The following AGBL4 variants were observed in gnomAD, a reference collection of about 807,000 sequenced individuals.
AGBL4 encodes cytosolic carboxypeptidase 6.
AGBL4 carries 58 observed loss-of-function variants against 66.4 expected under a neutral mutation model. The observed-to-expected ratio is 0.87, with a 90% CI of 0.71 to 1.09. AGBL4 has a LOEUF of 1.09. AGBL4 is among the 50% of genes least tolerant of loss of function. The probability of loss-of-function intolerance (pLI) is 0.00; values close to 1 mark genes in which losing one functional copy is unlikely to be tolerated. For missense variants in AGBL4, 579 were observed against 631.0 expected (o/e 0.92, Z 0.88); for synonymous variants, 234 against 222.9 (o/e 1.05, Z -0.44).
chr1:49,335,035 CATATA>C (rs1645406168), intron 3 of AGBL4, among the ~76,000 whole-genome samples: 1 of 152,180 alleles, frequency 6.6e-6, no homozygotes, highest in South Asian at 2.1e-4. Context: ...GGTTTCCAGA[CATATA>C]TTCAACTGCC....
chr1:49,282,759 C>G (rs911567883), intron 3 of AGBL4, among the ~76,000 whole-genome samples: 18 of 152,184 alleles, frequency 1.2e-4, no homozygotes, highest in African/African-American at 3.6e-4. Flanking sequence ...AAAGGGGTGA[C>G]AGACGCACCT....
intron 6 of AGBL4, among the ~76,000 whole-genome samples, chr1:48,719,174 C>G (rs943102714): frequency 3.3e-5 from 5 of 152,178 alleles, no homozygotes; most frequent in Admixed American, 3.3e-4. Context: ...CCCCTTCCCC[C>G]AAACACGTTT....
chr1:49,638,413 T>C (rs1470288214), intron 3 of AGBL4, among the ~76,000 whole-genome samples: 5 of 152,222 alleles, frequency 3.3e-5, no homozygotes, highest in Non-Finnish European at 2.9e-5. Flanking sequence ...TAATTTTCTA[T>C]TACTTTTACA....
At chr1:49,626,514 A>G (rs1365288078) in intron 3 of AGBL4, among the ~76,000 whole-genome samples, 1 of 152,134 alleles carries the variant, frequency 6.6e-6, no homozygotes, top group Non-Finnish European at 1.5e-5. Flanking sequence ...AAAGAGCTCA[A>G]TGTGCTTTGG....
At chr1:48,727,819 G>T (rs898394346) in intron 6 of AGBL4, 4 of 1,463,030 alleles carry the variant, frequency 2.7e-6, no homozygotes, top group Non-Finnish European at 3.8e-6. Context: ...TGATTTGGAC[G>T]GCACCATCGC....
At chr1:49,237,416 T>C (rs1264917367) in intron 4 of AGBL4, among the ~76,000 whole-genome samples, 1 of 151,248 alleles carries the variant, frequency 6.6e-6, no homozygotes, top group Non-Finnish European at 1.5e-5. Flanking sequence ...GTAAGTCCAC[T>C]AAACCTCTTC....
At chr1:49,013,476 C>T (rs1402080773) in intron 5 of AGBL4, among the ~76,000 whole-genome samples, 1 of 152,148 alleles carries the variant, frequency 6.6e-6, no homozygotes, top group Non-Finnish European at 1.5e-5. Context: ...CTTCAGGAGC[C>T]CTTTATTTTA....
chr1:49,340,544 C>T (rs1570471817), intron 3 of AGBL4, among the ~76,000 whole-genome samples: 1 of 152,198 alleles, frequency 6.6e-6, no homozygotes, highest in Non-Finnish European at 1.5e-5. Context: ...TACTCAGGTC[C>T]TTACTCCAAG....
chr1:48,726,031 C>G (rs532222608), intron 6 of AGBL4, among the ~76,000 whole-genome samples: 1 of 152,286 alleles, frequency 6.6e-6, no homozygotes, highest in East Asian at 1.9e-4. Context: ...ATCATTCTCT[C>G]CACACCAGAA....
intron 3 of AGBL4, among the ~76,000 whole-genome samples, chr1:49,488,987 A>G (rs530954114): frequency 6.6e-6 from 1 of 152,066 alleles, no homozygotes; most frequent in East Asian, 1.9e-4. Flanking sequence ...TAGTGCTGCA[A>G]TAAACACAGA....
intron 4 of AGBL4, among the ~76,000 whole-genome samples, chr1:49,175,266 C>T (rs1646811083): frequency 6.6e-6 from 1 of 151,562 alleles, no homozygotes; most frequent in Non-Finnish European, 1.5e-5. Context: ...GGATCAGGGG[C>T]ATTGAAAGGA....
intron 6 of AGBL4, among the ~76,000 whole-genome samples, chr1:48,739,483 A>G (rs1649575150): frequency 6.6e-6 from 1 of 152,184 alleles, no homozygotes; most frequent in South Asian, 2.1e-4. Flanking sequence ...CATCTACACT[A>G]CAAAATTCCG....
Position 49,923,546 on chromosome 1 carries a change from A to C in AGBL4, c.35-72028T>G, listed in dbSNP as rs567287229. 2.0e-5 allele frequency among the ~76,000 whole-genome samples: 3 copies of C among 152,296 alleles called. No homozygotes were observed. The South Asian group carries it at 6.2e-4, about 32-fold the overall frequency. ...CAGAAAACCTACAGAATGGGAGAAA[A>C]ATTTTGCAAACTATGCATTTGACTA... On this transcript the variant is annotated intron_variant, in intron 1 of 13. Transcript: ENST00000371839.
intron 2 of AGBL4, among the ~76,000 whole-genome samples, chr1:49,703,262 T>C (rs1439840977): frequency 6.6e-6 from 1 of 151,786 alleles, no homozygotes; most frequent in East Asian, 1.9e-4. Flanking sequence ...AAAATCCATA[T>C]ACAAAATCAA....
intron 8 of AGBL4, among the ~76,000 whole-genome samples, chr1:48,645,548 C>T (rs1258010178): frequency 6.6e-6 from 1 of 152,076 alleles, no homozygotes; most frequent in African/African-American, 2.4e-5. Context: ...AGCGTGGTCC[C>T]CAGAATGAGG....
chr1:49,719,088 G>A (rs1456670283), intron 2 of AGBL4, among the ~76,000 whole-genome samples: 8 of 151,996 alleles, frequency 5.3e-5, no homozygotes, highest in Non-Finnish European at 1.2e-4. Context: ...TCAATTATGT[G>A]ATTCTATAAA....
chr1:49,578,757 T>C (rs1487827106), intron 3 of AGBL4, among the ~76,000 whole-genome samples: 1 of 152,130 alleles, frequency 6.6e-6, no homozygotes, highest in East Asian at 1.9e-4. Flanking sequence ...ATTATGACCT[T>C]TTTGCTGTCT....
chr1:49,242,754 A>G (rs1480496124), intron 4 of AGBL4, among the ~76,000 whole-genome samples: 2 of 151,940 alleles, frequency 1.3e-5, no homozygotes, highest in African/African-American at 2.4e-5. Context: ...GGAGTGAACT[A>G]AAACAGGCAG....
chr1:48,725,977 C>T (rs1647247020), intron 6 of AGBL4, among the ~76,000 whole-genome samples: 3 of 151,932 alleles, frequency 2.0e-5, no homozygotes, highest in Admixed American at 2.0e-4. Context: ...GCCCTTTTTT[C>T]AGATATTATC....
Sources: gnomAD v4.1 joint callset for allele counts (sites outside exome capture counted in the v4.1 genomes callset) on GRCh38, gnomAD v4.1.1 for gene constraint, MANE v1.5 for transcripts, NCBI Gene and HGNC (gene_info 2026-07-23, HGNC 2026-07-21) for gene names.